ARAP2: variants seen among roughly 807,000 people sequenced by gnomAD.
ARAP2 encodes ArfGAP with RhoGAP domain, ankyrin repeat and PH domain 2.
A neutral mutation model predicts 194.5 loss-of-function variants in ARAP2; 148 were observed. The observed-to-expected ratio is 0.76, with a 90% CI of 0.67 to 0.87. The LOEUF is 0.87. Ranked by LOEUF, ARAP2 falls within the 40% of genes least tolerant of loss-of-function variation. ARAP2 has a pLI of 0.00. For synonymous variants in ARAP2, 695 were observed against 683.5 expected, an observed-to-expected ratio of 1.02 and a Z score of -0.26; for missense variants, 2,128 against 1,989.7, an observed-to-expected ratio of 1.07 and a Z score of -1.32.
At chr4:36,230,497 A>G (rs1751231441) in intron 1 of ARAP2, among the ~76,000 whole-genome samples, 2 of 152,368 alleles carry the variant, frequency 1.3e-5, no homozygotes, top group Admixed American at 1.3e-4. Context: ...TAGATAACAG[A>G]AAATATGCTA....
chr4:36,092,628 G>A (rs554117776), intron 27 of ARAP2, among the ~76,000 whole-genome samples: 3 of 151,918 alleles, frequency 2.0e-5, no homozygotes, highest in Non-Finnish European at 4.4e-5. Context: ...TAATAAAAAA[G>A]AATATATCAC....
At chr4:36,168,414 G>A (rs1735788439) in intron 9 of ARAP2, among the ~76,000 whole-genome samples, 1 of 152,156 alleles carries the variant, frequency 6.6e-6, no homozygotes, top group South Asian at 2.1e-4. Flanking sequence ...TTCTCTGGCA[G>A]TACCAAGTCT....
At chr4:36,035,769 T>G (rs71604012) in intron 5 of ARAP2, among the ~76,000 whole-genome samples, 5 of 152,206 alleles carry the variant, frequency 3.3e-5, no homozygotes, top group Non-Finnish European at 1.5e-5. Flanking sequence ...TCTCTTATTG[T>G]ATTACATTTT....
In ARAP2 at chr4:36,212,506, A is replaced by C; in HGVS notation, c.1042-19T>G. 1 of 1,574,260 alleles carries C rather than the reference A, an allele frequency of 6.4e-7. No homozygotes were observed. Among genetic ancestry groups the C allele is most frequent in the Non-Finnish European group, 8.7e-7 (1 of 1,146,036 alleles). On this transcript the variant is annotated intron_variant, in intron 4 of 32. Coordinates refer to ENST00000303965, the MANE Select transcript of ARAP2 (RefSeq NM_015230.4). ...ATCGCTTCTATTAAAAAAGCAAACA[A>C]ACAAAAAACACATACTGTTTTGCTT...
chr4:36,148,663 C>G (rs1237691223), intron 16 of ARAP2, among the ~76,000 whole-genome samples, 156 bp from the exon 17 acceptor site: 1 of 152,116 alleles, frequency 6.6e-6, no homozygotes, highest in African/African-American at 2.4e-5. Flanking sequence ...GCATTTTATT[C>G]AAATGAGGTA....
rs1159872308 is a variant in ARAP2, at chr4:36,057,417, T to C, written n.321+553A>G. ...TGAATCTATTGGTATAAATAACATA[T>C]CCATTTAAAAAAACTGTTGGTCATT... is the stretch of plus-strand genomic sequence containing the variant. On this transcript the variant is annotated intron_variant and non_coding_transcript_variant, in intron 2 of 12. Coordinates refer to the ARAP2 transcript ENST00000503225. Among the ~76,000 whole-genome samples the C allele has an allele frequency of 3.3e-5, 5 of 151,920 alleles. No homozygotes were observed. In the East Asian group the frequency reaches 9.6e-4, roughly 29 times the overall value.
At position 36,134,931 on chromosome 4, in the gene ARAP2, A is replaced by G. The variant is rs550527281; in HGVS notation, c.3264-1542T>C. ...TCTTTCACTGATGGCTTTGTCCTGC[A>G]TCATATCACCTTCTGTAGCTATCTG... On this transcript the variant is annotated intron_variant, in intron 19 of 32. Transcript: ENST00000303965. 2.0e-5 allele frequency among the ~76,000 whole-genome samples: 3 copies of G among 151,852 alleles called. No individual in the cohort carries two copies. The South Asian group carries it at 6.2e-4, about 31-fold the overall frequency.
At chr4:36,022,302 C>A (rs1717097889) in intron 5 of ARAP2, among the ~76,000 whole-genome samples, 1 of 152,046 alleles carries the variant, frequency 6.6e-6, no homozygotes, top group Non-Finnish European at 1.5e-5. Context: ...CACAGCCATA[C>A]ATGTAGGTGG....
chr4:36,125,670 C>T (rs1016561993), intron 21 of ARAP2, among the ~76,000 whole-genome samples: 4 of 151,972 alleles, frequency 2.6e-5, no homozygotes, highest in African/African-American at 9.7e-5. Context: ...ACTCACCTGA[C>T]TCCAAGAAGG....
chr4:36,091,832 A>T, intron 28 of ARAP2, 49 bp downstream of exon 28: 1 of 1,522,908 alleles, frequency 6.6e-7, no homozygotes, highest in Non-Finnish European at 8.9e-7. Context: ...TAAAATACAA[A>T]TGTTAATACC....
intron 1 of ARAP2, among the ~76,000 whole-genome samples, chr4:36,237,295 G>A (rs368210195): frequency 1.8e-4 from 28 of 152,270 alleles, no homozygotes; most frequent in East Asian, 1.5e-3. Flanking sequence ...AAAACTGGAC[G>A]TCTCCATATG....
chr4:36,180,762 T>G (rs550804599), intron 8 of ARAP2, among the ~76,000 whole-genome samples: 1 of 152,364 alleles, frequency 6.6e-6, no homozygotes, highest in South Asian at 2.1e-4. Context: ...AACCTTACTT[T>G]GGCTGCATCT....
At chr4:36,234,043 C>T (rs541266547) in intron 1 of ARAP2, among the ~76,000 whole-genome samples, 122 of 152,324 alleles carry the variant, frequency 8.0e-4, no homozygotes, top group Non-Finnish European at 9.8e-4. Flanking sequence ...AGACTGAAAA[C>T]GCATGGCTGA....
chr4:36,168,093 CTT>C (rs1030516183), intron 9 of ARAP2, among the ~76,000 whole-genome samples: 8 of 151,996 alleles, frequency 5.3e-5, no homozygotes, highest in East Asian at 1.9e-4. Flanking sequence ...TGCCTCTTCT[CTT>C]TGTCTCTCCT....
intron 6 of ARAP2, chr4:36,209,495 T>A (rs1288571447): frequency 5.3e-6 from 2 of 374,692 alleles, no homozygotes; most frequent in African/African-American, 4.3e-5. Context: ...TCTTTTGAAA[T>A]GTTAATTCCT....
At chr4:36,147,241 A>C in intron 19 of ARAP2, 55 bp downstream of exon 19, 1 of 1,513,912 alleles carries the variant, frequency 6.6e-7, no homozygotes, top group South Asian at 1.2e-5. Context: ...CAAAAAACAA[A>C]ATCCCGCTGC....
chr4:36,209,470 C>T lies in ARAP2; in HGVS notation c.1487+920G>A, dbSNP rs570526333. On this transcript the variant is annotated intron_variant, in intron 6 of 32. Transcript: ENST00000303965. ...CATATAATTGCTAACCATACAATTT[C>T]GGGGTGTTTTGCTATCTTTTGAAAT... 468 of 388,210 alleles carry T rather than the reference C, an allele frequency of 1.2e-3. 4 individuals carry two copies. The highest frequency in any genetic ancestry group is 1.6e-3 in the Middle Eastern group (4 of 2,444). 24.0% of individuals were successfully genotyped at this position (388,210 alleles called of 1,614,324 possible).
chr4:36,037,783 T>C (rs1351940958), intron 5 of ARAP2, among the ~76,000 whole-genome samples: 1 of 152,184 alleles, frequency 6.6e-6, no homozygotes, highest in East Asian at 1.9e-4. Context: ...ACCAATATTT[T>C]ATTTTATATT....
chr4:36,041,025 G>GT (rs545638682), intron 5 of ARAP2, among the ~76,000 whole-genome samples: 232 of 146,190 alleles, frequency 1.6e-3, no homozygotes, highest in Middle Eastern at 3.6e-3. Context: ...TTTATTGAGA[G>GT]TTTTTTTTTT....
Sources: gnomAD v4.1 joint callset for allele counts (sites outside exome capture counted in the v4.1 genomes callset) on GRCh38, gnomAD v4.1.1 for gene constraint, MANE v1.5 for transcripts, NCBI Gene and HGNC (gene_info 2026-07-23, HGNC 2026-07-21) for gene names.